The following DCAF8L2 variants were observed in gnomAD, a reference collection of about 807,000 sequenced individuals.
The protein encoded by DCAF8L2 is DDB1- and CUL4-associated factor 8-like protein 2.
For missense variants in DCAF8L2, 430 were observed against 490.7 expected (o/e 0.88, Z 1.17); for synonymous variants, 200 against 190.9 (o/e 1.05, Z -0.39).
intron 4 of DCAF8L2, among the ~76,000 whole-genome samples, chrX:27,725,680 A>C (rs900536547): frequency 1.1e-4 from 12 of 109,491 alleles, no homozygotes; most frequent in Admixed American, 6.9e-4. Context: ...TTGAACACAT[A>C]TAAGAGGATA....
the DCAF8L2 span, among the ~76,000 whole-genome samples, chrX:27,497,757 CGGG>C: frequency 9.0e-6 from 1 of 110,929 alleles, no homozygotes; most frequent in East Asian, 2.9e-4. Flanking sequence ...TTAGTAGAGA[CGGG>C]GTTTCACCAT....
the DCAF8L2 span, chrX:27,519,337 G>T: frequency 8.8e-7 from 1 of 1,134,781 alleles, no homozygotes; most frequent in Non-Finnish European, 1.2e-6. Flanking sequence ...GGAGCGTCGA[G>T]CTGCTGAAGA....
the DCAF8L2 span, among the ~76,000 whole-genome samples, chrX:27,567,546 C>T: frequency 2.0e-4 from 6 of 29,618 alleles, no homozygotes; most frequent in Non-Finnish European, 3.0e-4. Flanking sequence ...ACCACTGTAG[C>T]ATATATATAT....
At chrX:27,646,126 A>G (rs1928927305) in intron 2 of DCAF8L2, among the ~76,000 whole-genome samples, 3 of 112,096 alleles carry the variant, frequency 2.7e-5, no homozygotes, top group African/African-American at 9.7e-5. Context: ...AGCAAAAAGA[A>G]CAAAGCTGGA....
chrX:27,570,399 C>T, the DCAF8L2 span, among the ~76,000 whole-genome samples: 2 of 111,763 alleles, frequency 1.8e-5, no homozygotes, highest in Non-Finnish European at 3.8e-5. Flanking sequence ...CAGTTGTGAA[C>T]ATGCAACCAA....
the DCAF8L2 span, among the ~76,000 whole-genome samples, chrX:27,582,158 A>G: frequency 9.0e-6 from 1 of 111,549 alleles, no homozygotes; most frequent in Non-Finnish European, 1.9e-5. Context: ...ATATTTTTGA[A>G]TTGTTAATTC....
the DCAF8L2 span, among the ~76,000 whole-genome samples, chrX:27,573,315 GAGTGAC>G: frequency 1.8e-5 from 2 of 109,567 alleles, no homozygotes; most frequent in African/African-American, 6.7e-5. Context: ...TCAGCAGGTA[GAGTGAC>G]AGTGACAGGG....
chrX:27,641,080 T>C (rs755195925), intron 2 of DCAF8L2, among the ~76,000 whole-genome samples: 276 of 112,083 alleles, frequency 2.5e-3, no homozygotes, highest in African/African-American at 8.0e-3. Context: ...CACAATCTTT[T>C]TATTATTTTT....
At chrX:27,485,924 C>CTTTTTTTT in the DCAF8L2 span, among the ~76,000 whole-genome samples, 11 of 58,822 alleles carry the variant, frequency 1.9e-4, no homozygotes, top group Admixed American at 2.5e-4. Context: ...TTCTTTTTCT[C>CTTTTTTTT]TTTTTTTTTT....
intron 3 of DCAF8L2, among the ~76,000 whole-genome samples, chrX:27,686,732 G>A (rs188570817): frequency 8.9e-6 from 1 of 112,123 alleles, no homozygotes; most frequent in Admixed American, 9.5e-5. Context: ...GTCTTCAAAT[G>A]TTCCCAACAG....
chrX:27,510,036 T>C, the DCAF8L2 span, among the ~76,000 whole-genome samples: 1 of 111,709 alleles, frequency 9.0e-6, no homozygotes, highest in Non-Finnish European at 1.9e-5. Flanking sequence ...AAATTCTATG[T>C]GTCCTACATC....
the DCAF8L2 span, chrX:27,519,004 T>C: frequency 3.7e-6 from 3 of 808,251 alleles, no homozygotes; most frequent in Non-Finnish European, 3.8e-6. Flanking sequence ...TTTGGCCTTA[T>C]GTATGGGAAA....
the DCAF8L2 span, among the ~76,000 whole-genome samples, chrX:27,571,656 G>C: frequency 8.9e-6 from 1 of 111,742 alleles, no homozygotes; most frequent in African/African-American, 3.3e-5. Context: ...TGCTTTAACT[G>C]ACTGAATATG....
upstream of DCAF8L2, among the ~76,000 whole-genome samples, chrX:27,587,041 T>C (rs943953830): frequency 3.6e-5 from 4 of 111,397 alleles, no homozygotes; most frequent in African/African-American, 1.3e-4. Context: ...AATAAAAACA[T>C]GTACTTATCA....
chrX:27,622,795 A>AT (rs1473106172), intron 1 of DCAF8L2, among the ~76,000 whole-genome samples: 1 of 78,958 alleles, frequency 1.3e-5, no homozygotes, highest in Non-Finnish European at 2.4e-5. Flanking sequence ...AGAAATAGTG[A>AT]TTTTGACAGG....
At chrX:27,568,995 AC>A in the DCAF8L2 span, among the ~76,000 whole-genome samples, 1 of 93,812 alleles carries the variant, frequency 1.1e-5, no homozygotes, top group Non-Finnish European at 2.2e-5. Context: ...ACACACACAC[AC>A]AGAGTTAATT....
the DCAF8L2 span, among the ~76,000 whole-genome samples, chrX:27,583,050 G>A: frequency 9.0e-6 from 1 of 111,330 alleles, no homozygotes; most frequent in African/African-American, 3.3e-5. Flanking sequence ...TATTACTGTG[G>A]TGTGTGCTTA....
intron 2 of DCAF8L2, among the ~76,000 whole-genome samples, chrX:27,639,654 T>A (rs988469173): frequency 9.0e-6 from 1 of 111,649 alleles, no homozygotes; most frequent in Non-Finnish European, 1.9e-5. Flanking sequence ...AAATTGGGAC[T>A]CTTGGGCTTG....
At chrX:27,695,920 G>A (rs1569184307) in intron 3 of DCAF8L2, among the ~76,000 whole-genome samples, 1 of 110,595 alleles carries the variant, frequency 9.0e-6, no homozygotes, top group South Asian at 3.8e-4. Context: ...GGGGCTAGGC[G>A]TGGTGGCTCA....
Sources: allele counts gnomAD v4.1 joint callset (sites outside exome capture counted in the v4.1 genomes callset), GRCh38; gene constraint gnomAD v4.1.1; transcripts MANE v1.5; gene names NCBI Gene and HGNC (gene_info 2026-07-23, HGNC 2026-07-21).